The following RELB variants were observed in gnomAD, a reference collection of about 807,000 sequenced individuals.
The protein encoded by RELB is RELB proto-oncogene, NF-kB subunit.
Under a neutral mutation model 55.4 loss-of-function variants are expected in RELB, and 14 were observed. The observed-to-expected ratio is 0.25, with a 90% confidence interval of 0.17 to 0.40. The LOEUF is 0.40. Ranked by LOEUF, RELB falls within the 10% of genes least tolerant of loss-of-function variation. The pLI, the probability that RELB is intolerant of heterozygous loss-of-function variation, is 1.00. For missense variants in RELB, 669 were observed against 830.7 expected, an observed-to-expected ratio of 0.81 and a Z score of 2.39; for synonymous variants, 409 against 371.3, an observed-to-expected ratio of 1.10 and a Z score of -1.17.
At chr19:45,016,378 C>CG (rs1293900381) in intron 4 of RELB, among the ~76,000 whole-genome samples, 1 of 152,120 alleles carries the variant, frequency 6.6e-6, no homozygotes, top group Non-Finnish European at 1.5e-5. Context: ...AATATGTAAA[C>CG]GCCCCACAGG....
In RELB at chr19:45,032,276, G is replaced by A. The variant is rs190836504; in HGVS notation, c.992-258G>A. The stretch of plus-strand genomic sequence containing the variant: ...AAAAAAACCAAAAATAAAATTAGCC[G>A]GGCGTGGTGGCATATGCCTGTAATC... On this transcript the variant is annotated intron_variant, in intron 8 of 11. Transcript: ENST00000221452. The A allele has an allele frequency of 1.5e-3, 513 of 352,894 alleles. 4 individuals carry two copies. Among genetic ancestry groups the A allele is most frequent in the African/African-American group, 9.5e-3 (461 of 48,742 alleles). The allele number at this position is 352,894 out of a possible 1,614,324, so 21.9% of individuals were successfully genotyped here.
chr19:45,026,124 C>T (rs1971555709), intron 7 of RELB, among the ~76,000 whole-genome samples: 1 of 152,154 alleles, frequency 6.6e-6, no homozygotes, highest in Non-Finnish European at 1.5e-5. Context: ...CGACTATAAT[C>T]CCAGCTACTC....
chr19:45,022,255 A>G (rs1158639590), intron 5 of RELB, 45 bp downstream of exon 5: 2 of 1,510,882 alleles, frequency 1.3e-6, no homozygotes, highest in East Asian at 2.4e-5. Flanking sequence ...GATCATGGAG[A>G]TTCTAAGCGA....
chr19:45,026,963 C>G (rs966851574), intron 7 of RELB, among the ~76,000 whole-genome samples: 2 of 152,212 alleles, frequency 1.3e-5, no homozygotes, highest in Non-Finnish European at 2.9e-5. Context: ...GGCGAGGTGG[C>G]TTACGCCTGT....
intron 8 of RELB, among the ~76,000 whole-genome samples, chr19:45,029,311 G>A (rs763573388): frequency 2.6e-5 from 4 of 152,132 alleles, no homozygotes; most frequent in Non-Finnish European, 5.9e-5. Flanking sequence ...ATAAATGAAC[G>A]CTTTACGGTG....
intron 2 of RELB, among the ~76,000 whole-genome samples, chr19:45,005,544 GGGA>G (rs1263969061): frequency 6.6e-6 from 1 of 152,148 alleles, no homozygotes; most frequent in Non-Finnish European, 1.5e-5. Context: ...TGTGAGTTTA[GGGA>G]GGATGGCATC....
At position 45,002,996 on chromosome 19, in the gene RELB, G is replaced by T. The variant is rs1458203991; in HGVS notation, c.154G>T (p.Asp52Tyr). Residue 52 changes from aspartate (D) to tyrosine (Y), a missense_variant and splice_region_variant, in exon 2 of 12, where the codon GAT (aspartate) becomes TAT (tyrosine). By Grantham distance (160) the Asp-to-Tyr change is radical. Around this residue, in one of 3 missense-constraint regions of RELB, gnomAD observed 323 missense variants for 368.5 expected, o/e 0.88. Transcript: ENST00000221452. ...CTCGCTCGCCGTTTCCAGGAGCACA[G>T]GTGAGCAGCCCTCCACAGTTCCTGC... ...SLSLAVSRST[D>Y]ELEIIDEYIK... 1 of 1,612,880 alleles carries T rather than the reference G, an allele frequency of 6.2e-7. No homozygotes were observed. The highest frequency in any genetic ancestry group is 8.5e-7 in the Non-Finnish European group (1 of 1,179,558).
rs538692697 is a variant in RELB, at chr19:45,006,863, G to C, written c.155-2951G>C. ...CCAGCTACTCAGGAGGCTGAGGCAG[G>C]AGAATCACTTGAACCTGCGAGGCGG... On this transcript the variant is annotated intron_variant, in intron 2 of 11. Transcript: ENST00000221452. Among the ~76,000 whole-genome samples the C allele has an allele frequency of 2.0e-3, 307 of 151,128 alleles. 1 individual carries two copies. Among genetic ancestry groups the C allele is most frequent in the African/African-American group, 7.3e-3 (300 of 41,150 alleles).
rs563556516 is a variant in RELB at position 45,008,403 on chromosome 19, A to G, written c.155-1411A>G. On this transcript the variant is annotated intron_variant, in intron 2 of 11. Transcript: ENST00000221452. ...GCCGCCCAGGACTCAGTCTCCCCCT[A>G]CAGCCCGGGAGCCTCTGGAGGGTCC... is the stretch of plus-strand genomic sequence containing the variant. The G allele has an allele frequency of 1.9e-4, 88 of 455,964 alleles. No homozygotes were observed. The East Asian group carries it at 5.8e-3, about 30-fold the overall frequency. 28.2% of individuals were successfully genotyped at this position (455,964 alleles called of 1,614,324 possible).
chr19:45,032,663 C>G lies in RELB; in HGVS notation c.1121C>G (p.Pro374Arg). 1 of 1,612,064 alleles carries G rather than the reference C, an allele frequency of 6.2e-7. No individual in the cohort carries two copies. The highest frequency in any genetic ancestry group is 8.5e-7 in the Non-Finnish European group (1 of 1,179,214). Reference protein sequence around the residue: ...PPYEDLEIVEPVTVNVFLQRL... With the variant: ...PPYEDLEIVERVTVNVFLQRL... ...TACGAGGACCTGGAGATTGTCGAGC[C>G]CGTGACAGTCAACGTCTTCCTGCAG... The change falls in exon 9 of 12, where the codon CCC becomes CGC. Residue 374 changes from proline to arginine, a missense_variant. By Grantham distance (103) the Pro-to-Arg change is moderately radical. Coordinates refer to ENST00000221452, the MANE Select transcript of RELB (RefSeq NM_006509.4).
chr19:45,001,886 G>T (rs1013096057), intron 1 of RELB, among the ~76,000 whole-genome samples: 2 of 152,172 alleles, frequency 1.3e-5, no homozygotes, highest in African/African-American at 4.8e-5. Flanking sequence ...GTTCGAGCGA[G>T]GCGTCCCGCT....
Position 45,015,062 on chromosome 19 carries a change from C to T in RELB, c.504+2786C>T, listed in dbSNP as rs1309712674. Among the ~76,000 whole-genome samples the T allele has an allele frequency of 2.0e-5, 3 of 152,006 alleles. No individual in the cohort carries two copies. In the East Asian group the frequency reaches 5.8e-4, roughly 30 times the overall value. ...GGATTACAGGTGTGCACCACCATGC[C>T]CAGCTAATTTTTGTATTTTTAGTAG... On this transcript the variant is annotated intron_variant, in intron 4 of 11. Transcript: ENST00000221452.
At chr19:45,032,020 G>A (rs937877993) in intron 8 of RELB, among the ~76,000 whole-genome samples, 15 of 151,558 alleles carry the variant, frequency 9.9e-5, no homozygotes, top group East Asian at 7.9e-4. Flanking sequence ...GGCAGATCAC[G>A]AGGTCAGGAG....
At chr19:45,035,549 C>T (rs1047511120) in intron 11 of RELB, among the ~76,000 whole-genome samples, 4 of 150,390 alleles carry the variant, frequency 2.7e-5, no homozygotes, top group Non-Finnish European at 4.4e-5. Flanking sequence ...CAAAACAGGC[C>T]TGGCACTGTG....
At chr19:45,007,331 G>A (rs965394731) in intron 2 of RELB, among the ~76,000 whole-genome samples, 20 of 152,180 alleles carry the variant, frequency 1.3e-4, no homozygotes, top group African/African-American at 4.8e-4. Flanking sequence ...GAGGACTTGA[G>A]ATAATAATAA....
chr19:45,008,604 G>A lies in RELB; in HGVS notation c.155-1210G>A, dbSNP rs938998441. 45 of 453,172 alleles carry A rather than the reference G, an allele frequency of 9.9e-5. No individual in the cohort carries two copies. In the Middle Eastern group the frequency reaches 1.6e-3, roughly 16 times the overall value. 28.1% of individuals were successfully genotyped at this position (453,172 alleles called of 1,614,324 possible). A position where few individuals can be genotyped will look rare whatever the true frequency, so the allele number is the denominator to read the frequency against. On this transcript the variant is annotated intron_variant, in intron 2 of 11. Transcript: ENST00000221452. ...ATTGGGGGGACCTTGGCACCCTACT[G>A]GCTTCACAGATCCCATGAGATAAGG...
intron 4 of RELB, 173 bp from the exon 5 acceptor site, chr19:45,021,880 T>C: frequency 1.7e-6 from 1 of 598,196 alleles, no homozygotes; most frequent in Non-Finnish European, 2.7e-6. Context: ...CGGCCCAAAG[T>C]GGTCTTAAGC....
rs761683307 is a variant in RELB at position 45,028,977 on chromosome 19, G to A, written c.976G>A (p.Asp326Asn). The change falls in exon 8 of 12, where the codon GAC becomes AAC. Residue 326 changes from aspartate (D) to asparagine (N), a missense_variant. Coordinates refer to ENST00000221452, the MANE Select transcript of RELB (RefSeq NM_006509.4). ...TGGEELYLLC[D>N]KVQKEDISVV... ...TGGCGAGGAGCTCTACTTGCTCTGC[G>A]ACAAGGTGCAGAAAGGTGAGGGGCC... The A allele has an allele frequency of 1.3e-6, 2 of 1,585,304 alleles. No individual in the cohort carries two copies. Among genetic ancestry groups the A allele is most frequent in the Non-Finnish European group, 1.7e-6 (2 of 1,166,364 alleles).
chr19:45,032,343 C>T (rs915703223), intron 8 of RELB, 191 bp from the exon 9 acceptor site: 9 of 532,690 alleles, frequency 1.7e-5, no homozygotes, highest in African/African-American at 9.6e-5. Context: ...TGCTTGAACC[C>T]GGGAGGCAGA....
Sources: gnomAD v4.1 joint callset for allele counts (sites outside exome capture counted in the v4.1 genomes callset) on GRCh38, gnomAD v4.1.1 for gene constraint, gnomAD v4.1.1 regional missense constraint, MANE v1.5 for transcripts, NCBI Gene and HGNC (gene_info 2026-07-23, HGNC 2026-07-21) for gene names.